The following SYN3 variants were observed in gnomAD, a reference collection of about 807,000 sequenced individuals.
SYN3 encodes synapsin III.
Under a neutral mutation model 65.8 loss-of-function variants are expected in SYN3, and 35 were observed. The observed-to-expected ratio is 0.53, with a 90% CI of 0.41 to 0.70. SYN3 has a LOEUF of 0.70. Among genes scored for constraint, SYN3 ranks in the 30% least tolerant of loss-of-function variants. The pLI is 0.00. For synonymous variants in SYN3, 270 were observed against 292.9 expected (o/e 0.92, Z 0.80); for missense variants, 680 against 749.0 (o/e 0.91, Z 1.08).
At chr22:32,748,099 A>T (rs1261353721) in intron 6 of SYN3, among the ~76,000 whole-genome samples, 2 of 152,188 alleles carry the variant, frequency 1.3e-5, no homozygotes, top group Non-Finnish European at 2.9e-5. Flanking sequence ...CGAACCTTAG[A>T]CGCTGGATGA....
At chr22:32,748,008 A>G (rs775114291) in intron 6 of SYN3, among the ~76,000 whole-genome samples, 13 of 152,208 alleles carry the variant, frequency 8.5e-5, no homozygotes, top group Non-Finnish European at 1.8e-4. Flanking sequence ...CAGCCTGGAC[A>G]TGGCCTCGTG....
intron 6 of SYN3, among the ~76,000 whole-genome samples, chr22:32,653,114 C>G (rs1245437375): frequency 1.3e-5 from 2 of 152,186 alleles, no homozygotes; most frequent in East Asian, 3.9e-4. Context: ...TCATTTCTTC[C>G]CAGAATGACT....
intron 4 of SYN3, among the ~76,000 whole-genome samples, chr22:32,890,072 C>CTTTTTTTT (rs5845051): frequency 7.7e-4 from 45 of 58,290 alleles, no homozygotes; most frequent in East Asian, 2.6e-3. Flanking sequence ...GATTTAGCTG[C>CTTTTTTTT]TTTTTTTTTT....
chr22:32,780,975 TTCCC>T (rs2046039175), intron 6 of SYN3, among the ~76,000 whole-genome samples: 2 of 66,706 alleles, frequency 3.0e-5, no homozygotes, highest in African/African-American at 9.1e-5. Flanking sequence ...CCTTCCTTCC[TTCCC>T]TCCTTCCTTC....
intron 6 of SYN3, among the ~76,000 whole-genome samples, chr22:32,750,261 G>A (rs2045074782): frequency 6.6e-6 from 1 of 152,174 alleles, no homozygotes; most frequent in Non-Finnish European, 1.5e-5. Flanking sequence ...GTGCAGCCAG[G>A]GAAGCCCTCT....
intron 6 of SYN3, among the ~76,000 whole-genome samples, chr22:32,818,080 T>C (rs1442529350): frequency 6.6e-6 from 1 of 152,194 alleles, no homozygotes; most frequent in Non-Finnish European, 1.5e-5. Context: ...ACTGAGTCAA[T>C]AATGGTGTTG....
intron 6 of SYN3, among the ~76,000 whole-genome samples, chr22:32,609,774 G>A (rs927250388): frequency 1.3e-5 from 2 of 152,132 alleles, no homozygotes; most frequent in South Asian, 2.1e-4. Context: ...TTACAGGTGT[G>A]AGCCACTGCA....
intron 3 of SYN3, among the ~76,000 whole-genome samples, chr22:32,936,288 T>C (rs1228291475): frequency 6.6e-6 from 1 of 152,208 alleles, no homozygotes; most frequent in Non-Finnish European, 1.5e-5. Context: ...CTATGATTCC[T>C]GTAAGAGGGA....
intron 3 of SYN3, among the ~76,000 whole-genome samples, chr22:32,959,432 T>A (rs2051574682): frequency 6.6e-6 from 1 of 151,986 alleles, no homozygotes; most frequent in African/African-American, 2.4e-5. Context: ...ACGCCTGTAA[T>A]CTCAGCTACT....
chr22:32,895,394 A>G (rs1040024931), intron 4 of SYN3, among the ~76,000 whole-genome samples: 1 of 152,200 alleles, frequency 6.6e-6, no homozygotes, highest in African/African-American at 2.4e-5. Context: ...CTATACTTGC[A>G]TGTACATCTA....
rs1434894250 is a variant in SYN3 at position 32,522,501 on chromosome 22, A to G, written c.1319-4167T>C. Among the ~76,000 whole-genome samples, 3 of 152,314 alleles carry G rather than the reference A, an allele frequency of 2.0e-5. No individual in the cohort carries two copies. In the East Asian group the frequency reaches 5.8e-4, roughly 29 times the overall value. The stretch of plus-strand genomic sequence containing the variant: ...GAGGGTGTGGGGCAGAGGCACAGCC[A>G]GGAGCCTGGTAGAGTGAGGAATATG... On this transcript the variant is annotated intron_variant, in intron 12 of 13. Transcript: ENST00000358763.
Position 32,782,961 on chromosome 22 carries a change from A to G in SYN3, c.711+81954T>C, listed in dbSNP as rs546238601. Among the ~76,000 whole-genome samples the G allele has an allele frequency of 3.3e-5, 5 of 152,348 alleles. 1 individual carries two copies. In the South Asian group the frequency reaches 1.0e-3, roughly 32 times the overall value. On this transcript the variant is annotated intron_variant, in intron 6 of 13. Transcript: ENST00000358763. ...AAGCAACTCTCTATTGAGAGGAGTT[A>G]GTTAAGCACTTCTCATTGAAGCTTC...
chr22:32,927,298 C>T (rs766208833), intron 4 of SYN3, among the ~76,000 whole-genome samples: 3 of 140,100 alleles, frequency 2.1e-5, no homozygotes, highest in Non-Finnish European at 4.6e-5. Context: ...AGATGTTTCT[C>T]TGTCACCCAG....
intron 6 of SYN3, among the ~76,000 whole-genome samples, chr22:32,780,367 A>T (rs1372222051): frequency 6.6e-6 from 1 of 152,024 alleles, no homozygotes; most frequent in South Asian, 2.1e-4. Context: ...GCTGTAGGAG[A>T]TGGAGACAGA....
chr22:32,625,109 T>C (rs2059647678), intron 6 of SYN3, among the ~76,000 whole-genome samples: 1 of 152,188 alleles, frequency 6.6e-6, no homozygotes, highest in African/African-American at 2.4e-5. Context: ...ATTTTAGAAT[T>C]AGCTTCAGCA....
chr22:32,973,671 T>C (rs751670042), intron 3 of SYN3, among the ~76,000 whole-genome samples: 6 of 152,214 alleles, frequency 3.9e-5, no homozygotes, highest in Non-Finnish European at 7.3e-5. Context: ...AGTGAAACAA[T>C]AGAGGGTGAT....
chr22:32,620,445 A>G (rs1366047045), intron 6 of SYN3, among the ~76,000 whole-genome samples: 9 of 152,122 alleles, frequency 5.9e-5, no homozygotes, highest in Admixed American at 5.9e-4. Flanking sequence ...GGTATAGACA[A>G]GGTAAATAAG....
chr22:32,531,905 C>CTTTTTTTTTT (rs5845007), intron 10 of SYN3, among the ~76,000 whole-genome samples: 1 of 115,476 alleles, frequency 8.7e-6, no homozygotes, highest in Non-Finnish European at 1.7e-5. Flanking sequence ...ACTACTTTTA[C>CTTTTTTTTTT]TTTTTTTTTT....
At chr22:33,022,071 G>A (rs529257402) in intron 1 of SYN3, among the ~76,000 whole-genome samples, 4 of 152,274 alleles carry the variant, frequency 2.6e-5, no homozygotes, top group South Asian at 2.1e-4. Flanking sequence ...TAAGTTGAAC[G>A]AAAATTGGAA....
Sources: allele counts gnomAD v4.1 joint callset (sites outside exome capture counted in the v4.1 genomes callset), GRCh38; gene constraint gnomAD v4.1.1; transcripts MANE v1.5; gene names NCBI Gene and HGNC (gene_info 2026-07-23, HGNC 2026-07-21).